ROBO1: variants seen among roughly 807,000 people sequenced by gnomAD.
ROBO1 encodes the protein roundabout homolog 1.
In ROBO1, 149 loss-of-function variants were observed where a neutral mutation model predicts 195.9. The observed-to-expected ratio is 0.76, with a 90% CI of 0.67 to 0.87. ROBO1 has a LOEUF of 0.87. Among genes scored for constraint, ROBO1 ranks in the 40% least tolerant of loss-of-function variants. The pLI, the probability that ROBO1 is intolerant of heterozygous loss-of-function variation, is 0.00. For missense variants in ROBO1, 1,933 were observed against 2,068.3 expected (o/e 0.93, Z 1.27); for synonymous variants, 816 against 733.2 (o/e 1.11, Z -1.82).
intron 2 of ROBO1, among the ~76,000 whole-genome samples, chr3:79,251,371 T>A (rs2082725513): frequency 6.6e-6 from 1 of 152,196 alleles, no homozygotes; most frequent in Non-Finnish European, 1.5e-5. Context: ...ATTTGTTTAC[T>A]TATTGTTCAA....
intron 2 of ROBO1, among the ~76,000 whole-genome samples, chr3:79,230,180 T>A (rs182391893): frequency 6.6e-6 from 1 of 152,304 alleles, no homozygotes; most frequent in East Asian, 1.9e-4. Flanking sequence ...TCCAAATTCA[T>A]CCTATGTCTT....
chr3:79,595,460 CTCT>C (rs1560023714), intron 1 of ROBO1, among the ~76,000 whole-genome samples: 2 of 152,018 alleles, frequency 1.3e-5, no homozygotes, highest in Non-Finnish European at 2.9e-5. Context: ...CTAGGTGGCT[CTCT>C]TCTTTTCTTA....
At chr3:79,473,271 G>A (rs1938380319) in intron 2 of ROBO1, among the ~76,000 whole-genome samples, 1 of 152,024 alleles carries the variant, frequency 6.6e-6, no homozygotes, top group Non-Finnish European at 1.5e-5. Context: ...AGAGACTGAA[G>A]CTATGCAGCC....
At chr3:79,023,873 T>A (rs575504541) in intron 3 of ROBO1, among the ~76,000 whole-genome samples, 1 of 151,346 alleles carries the variant, frequency 6.6e-6, no homozygotes, top group East Asian at 2.0e-4. Context: ...CCGGCTATTT[T>A]TTTTTTTTTT....
At chr3:79,255,415 T>G (rs764124950) in intron 2 of ROBO1, among the ~76,000 whole-genome samples, 2 of 152,112 alleles carry the variant, frequency 1.3e-5, no homozygotes, top group Non-Finnish European at 2.9e-5. Flanking sequence ...ACTGTTCTTC[T>G]TTTCATATCC....
intron 1 of ROBO1, among the ~76,000 whole-genome samples, chr3:79,598,589 A>C (rs1309538150): frequency 6.6e-6 from 1 of 151,988 alleles, no homozygotes; most frequent in East Asian, 1.9e-4. Context: ...CCCCCACTGC[A>C]CAGTGGCTGC....
chr3:79,694,261 G>T (rs1249115109), intron 1 of ROBO1, among the ~76,000 whole-genome samples: 2 of 151,562 alleles, frequency 1.3e-5, no homozygotes, highest in Non-Finnish European at 2.9e-5. Context: ...TGTCTAATCA[G>T]CATTCATTTT....
chr3:79,420,307 A>G (rs1244850134), intron 2 of ROBO1, among the ~76,000 whole-genome samples: 1 of 152,164 alleles, frequency 6.6e-6, no homozygotes, highest in Middle Eastern at 3.2e-3. Flanking sequence ...TTCTGGTTAA[A>G]TGAGAGTGAA....
At chr3:79,634,204 T>G (rs534688221) in intron 1 of ROBO1, among the ~76,000 whole-genome samples, 1 of 152,282 alleles carries the variant, frequency 6.6e-6, no homozygotes, top group African/African-American at 2.4e-5. Flanking sequence ...AGCTCTGACA[T>G]GCAAAGCTTC....
At chr3:79,368,672 T>G (rs567054541) in intron 2 of ROBO1, among the ~76,000 whole-genome samples, 1 of 152,272 alleles carries the variant, frequency 6.6e-6, no homozygotes, top group Non-Finnish European at 1.5e-5. Context: ...GCACCTTCTT[T>G]AGCTTGTCTC....
At chr3:78,675,633 C>CTGGGG (rs1708372815) in intron 10 of ROBO1, among the ~76,000 whole-genome samples, 1 of 152,090 alleles carries the variant, frequency 6.6e-6, no homozygotes, top group African/African-American at 2.4e-5. Context: ...CTGCCATTGC[C>CTGGGG]GAGTTAGTTG....
At chr3:78,896,590 C>A (rs971927134) in intron 4 of ROBO1, among the ~76,000 whole-genome samples, 1 of 144,020 alleles carries the variant, frequency 6.9e-6, no homozygotes, top group African/African-American at 2.6e-5. Context: ...ATCCCACTAC[C>A]CTTTGCTGAC....
intron 2 of ROBO1, among the ~76,000 whole-genome samples, chr3:79,244,645 A>C (rs2082589290): frequency 6.6e-6 from 1 of 152,086 alleles, no homozygotes; most frequent in Non-Finnish European, 1.5e-5. Context: ...TAAAGTAGAT[A>C]GGAGACAGGC....
intron 3 of ROBO1, among the ~76,000 whole-genome samples, chr3:78,982,017 G>C (rs1245193358): frequency 6.6e-6 from 1 of 152,122 alleles, no homozygotes; most frequent in African/African-American, 2.4e-5. Flanking sequence ...GTATTCTACT[G>C]AGGGCAGCTC....
intron 8 of ROBO1, among the ~76,000 whole-genome samples, chr3:78,713,735 ACTTTCAAAAAC>A (rs2081826057): frequency 6.6e-6 from 1 of 152,176 alleles, no homozygotes; most frequent in African/African-American, 2.4e-5. Context: ...CGTGACTTTG[ACTTTCAAAAAC>A]CTGGTAGCCA....
At chr3:78,860,574 AT>A (rs2034770779) in intron 4 of ROBO1, among the ~76,000 whole-genome samples, 1 of 152,062 alleles carries the variant, frequency 6.6e-6, no homozygotes, top group Admixed American at 6.6e-5. Flanking sequence ...AGATTCCTCA[AT>A]GTAAGTAACT....
chr3:79,326,598 A>T (rs1384855717), intron 2 of ROBO1, among the ~76,000 whole-genome samples: 1 of 152,198 alleles, frequency 6.6e-6, no homozygotes, highest in Non-Finnish European at 1.5e-5. Context: ...TATGTGAGAG[A>T]ACCTAAAAAG....
At chr3:78,794,376 C>T (rs2084119988) in intron 4 of ROBO1, among the ~76,000 whole-genome samples, 1 of 152,124 alleles carries the variant, frequency 6.6e-6, no homozygotes, top group African/African-American at 2.4e-5. Flanking sequence ...ACTATAACTA[C>T]TGTTGTCTTA....
intron 2 of ROBO1, among the ~76,000 whole-genome samples, chr3:79,499,593 G>A (rs1939943355): frequency 6.6e-6 from 1 of 151,990 alleles, no homozygotes; most frequent in South Asian, 2.1e-4. Flanking sequence ...ATGACCACAA[G>A]CAGATCATTA....
Sources: allele counts gnomAD v4.1 joint callset (sites outside exome capture counted in the v4.1 genomes callset), GRCh38; gene constraint gnomAD v4.1.1; transcripts MANE v1.5; gene names NCBI Gene and HGNC (gene_info 2026-07-23, HGNC 2026-07-21).